Variants in CUL1 observed in about 807,000 individuals in gnomAD.
CUL1 encodes the protein cullin 1.
In CUL1, 24 loss-of-function variants were observed where a neutral mutation model predicts 118.0. The ratio of observed to expected loss-of-function variants is 0.20; its 90% CI spans 0.15 to 0.29. The LOEUF is 0.29. CUL1 is among the 10% of genes least tolerant of loss of function. The pLI is 1.00. For synonymous variants in CUL1, 332 were observed against 340.4 expected (o/e 0.98, Z 0.27); for missense variants, 361 against 933.8 (o/e 0.39, Z 7.99).
intron 2 of CUL1, among the ~76,000 whole-genome samples, chr7:148,732,765 TAATTA>T (rs1276173183): frequency 1.3e-5 from 2 of 152,224 alleles, no homozygotes; most frequent in Non-Finnish European, 2.9e-5. Flanking sequence ...ATTCTACAAA[TAATTA>T]AATTCGTATA....
chr7:148,754,135 G>C lies in CUL1; in HGVS notation c.300G>C (p.Leu100Phe). Residue 100 changes from leucine (L) to phenylalanine (F), a missense_variant, in exon 3 of 22, where the codon TTG (leucine) becomes TTC (phenylalanine). Leu to Phe is a conservative substitution (Grantham distance 22). Transcript: ENST00000325222. ...TTAAGGAATTTTTGAAGAATTACTT[G>C]ACAAATCTTCTTAAGGTAAGATGTT... is the stretch of plus-strand genomic sequence containing the variant. Reference protein sequence around the residue: ...KRLKEFLKNYLTNLLKDGEDL... With the variant: ...KRLKEFLKNYFTNLLKDGEDL... 6.2e-7 allele frequency: 1 copy of C among 1,602,942 alleles called. No individual in the cohort carries two copies. The highest frequency in any genetic ancestry group is 1.3e-5 in the African/African-American group (1 of 74,482).
At chr7:148,726,737 C>G (rs1798596351) in intron 1 of CUL1, among the ~76,000 whole-genome samples, 1 of 151,086 alleles carries the variant, frequency 6.6e-6, no homozygotes, top group Admixed American at 6.6e-5. Flanking sequence ...AGGTTAACCT[C>G]TAATTGCCAG....
chr7:148,713,763 G>A (rs545360139), intron 1 of CUL1, among the ~76,000 whole-genome samples: 10 of 152,058 alleles, frequency 6.6e-5, no homozygotes, highest in East Asian at 5.8e-4. Context: ...TCATTCTGTC[G>A]CCTAGGCTAG....
rs1452093577 is a variant in CUL1, at chr7:148,787,846, G to C, written c.1480-711G>C. Among the ~76,000 whole-genome samples, 2 of 152,218 alleles carry C rather than the reference G, an allele frequency of 1.3e-5. No individual in the cohort carries two copies. The highest frequency in any genetic ancestry group is 2.9e-5 in the Non-Finnish European group (2 of 68,044). ...CTTTGCGTGCCTGTGTGTCGGCGCT[G>C]TCGAGTGCTCTTATCTGACTTGGGA... On this transcript the variant is annotated intron_variant, in intron 13 of 21. Transcript: ENST00000325222. The surrounding 1 kb of genome is among the most constrained non-coding windows in gnomAD (Gnocchi z 5.5).
At chr7:148,724,010 G>A (rs1798480589) in intron 1 of CUL1, among the ~76,000 whole-genome samples, 1 of 152,296 alleles carries the variant, frequency 6.6e-6, no homozygotes, top group Non-Finnish European at 1.5e-5. Flanking sequence ...CTTCACTAAA[G>A]CTAGTCATCC....
intron 2 of CUL1, among the ~76,000 whole-genome samples, chr7:148,742,481 C>A (rs1308121838): frequency 2.0e-5 from 3 of 152,120 alleles, no homozygotes; most frequent in African/African-American, 7.2e-5. Flanking sequence ...TGACCTTGCC[C>A]TTGACAGATG....
intron 7 of CUL1, among the ~76,000 whole-genome samples, chr7:148,761,304 T>C (rs544705820): frequency 2.0e-5 from 3 of 152,256 alleles, no homozygotes; most frequent in Admixed American, 6.5e-5. Flanking sequence ...AGTCAGGAGT[T>C]TGAGACCAGC....
intron 2 of CUL1, among the ~76,000 whole-genome samples, chr7:148,740,734 G>C (rs1584781877): frequency 6.6e-6 from 1 of 152,174 alleles, no homozygotes; most frequent in Admixed American, 6.5e-5. Flanking sequence ...AAAATCGTGA[G>C]GGTGGGGCCT....
chr7:148,797,724 G>A, intron 17 of CUL1, 88 bp from the exon 18 acceptor site: 3 of 843,716 alleles, frequency 3.6e-6, no homozygotes, highest in Non-Finnish European at 3.7e-6. Flanking sequence ...TTTTTTAATG[G>A]AAAATGGACT....
chr7:148,757,227 G>C, intron 4 of CUL1, 77 bp downstream of exon 4: 1 of 902,146 alleles, frequency 1.1e-6, no homozygotes. Context: ...CTTTCAGCAA[G>C]AGAATCTAGG....
At chr7:148,753,727 C>T (rs1799567987) in intron 2 of CUL1, among the ~76,000 whole-genome samples, 1 of 152,144 alleles carries the variant, frequency 6.6e-6, no homozygotes, top group African/African-American at 2.4e-5. Flanking sequence ...AGGCAACCTC[C>T]CTCCTGGAAT....
chr7:148,765,596 AC>A (rs1018772910), intron 7 of CUL1, among the ~76,000 whole-genome samples: 1 of 152,200 alleles, frequency 6.6e-6, no homozygotes, highest in African/African-American at 2.4e-5. Context: ...GTGCCACTGC[AC>A]TTCAGCCTGG....
chr7:148,774,136 T>C (rs1396814785), intron 9 of CUL1, among the ~76,000 whole-genome samples: 1 of 152,200 alleles, frequency 6.6e-6, no homozygotes, highest in Non-Finnish European at 1.5e-5. Flanking sequence ...GTGTGTGCAA[T>C]GCAGTCCGTT....
chr7:148,768,378 C>CTTTTT lies in CUL1; in HGVS notation c.1083+649_1083+653dup, dbSNP rs10595637. The stretch of plus-strand genomic sequence containing the variant: ...GGGAGAACAATAGAGAAGAAAAGCT[C>CTTTTT]TTTTTTTTTTTTTTTTTTTTTTTTG... On this transcript the variant is annotated intron_variant, in intron 9 of 21. Coordinates refer to ENST00000325222, the MANE Select transcript of CUL1 (RefSeq NM_003592.3). Among the ~76,000 whole-genome samples the CTTTTT allele has an allele frequency of 6.3e-4, 60 of 94,874 alleles. 3 individuals are homozygous for CTTTTT. Among genetic ancestry groups the CTTTTT allele is most frequent in the African/African-American group, 2.4e-3 (59 of 24,446 alleles). The allele number at this position is 94,874 out of a possible 152,430, so 62.2% of individuals were successfully genotyped here. A position where few individuals can be genotyped will look rare whatever the true frequency, so the allele number is the denominator to read the frequency against.
chr7:148,796,236 G>C (rs1474633134), intron 17 of CUL1, among the ~76,000 whole-genome samples: 3 of 152,152 alleles, frequency 2.0e-5, no homozygotes, highest in African/African-American at 7.2e-5. Context: ...TTTCTACTCT[G>C]TCAAAATAAC....
At chr7:148,745,053 T>C (rs1308825396) in intron 2 of CUL1, among the ~76,000 whole-genome samples, 2 of 152,124 alleles carry the variant, frequency 1.3e-5, no homozygotes, top group African/African-American at 4.8e-5. Flanking sequence ...TTTCTAGAAG[T>C]TTTAATCTTT....
intron 1 of CUL1, among the ~76,000 whole-genome samples, chr7:148,718,344 T>C (rs998465114): frequency 5.9e-5 from 9 of 152,330 alleles, no homozygotes; most frequent in East Asian, 3.9e-4. Context: ...TCCATCACCC[T>C]GTAAAGATCC....
At chr7:148,703,192 A>G (rs1290532321) in intron 1 of CUL1, among the ~76,000 whole-genome samples, 2 of 152,226 alleles carry the variant, frequency 1.3e-5, no homozygotes, top group Non-Finnish European at 2.9e-5. Context: ...ATATCTGATC[A>G]TTATGGCAGA....
chr7:148,699,793 C>T (rs546342454), intron 1 of CUL1, among the ~76,000 whole-genome samples: 3 of 152,062 alleles, frequency 2.0e-5, no homozygotes, highest in Non-Finnish European at 4.4e-5. Context: ...GGGCCGGGCC[C>T]TGCGCTGCGG....
Sources: gnomAD v4.1 joint callset for allele counts (sites outside exome capture counted in the v4.1 genomes callset) on GRCh38, gnomAD v4.1.1 for gene constraint, Gnocchi (gnomAD v3.1) non-coding constraint, MANE v1.5 for transcripts, NCBI Gene and HGNC (gene_info 2026-07-23, HGNC 2026-07-21) for gene names.